EDARADD: variants seen among roughly 807,000 people sequenced by gnomAD.
The protein encoded by EDARADD is EDAR associated via death domain.
Under a neutral mutation model 25.6 loss-of-function variants are expected in EDARADD, and 20 were observed. The ratio of observed to expected loss-of-function variants is 0.78; its 90% CI spans 0.55 to 1.14. EDARADD has a LOEUF of 1.14. Among genes scored for constraint, EDARADD ranks in the 50% most tolerant of loss-of-function variants. The pLI, the probability that EDARADD is intolerant of heterozygous loss-of-function variation, is 0.00. For missense variants in EDARADD, 225 were observed against 270.1 expected (o/e 0.83, Z 1.17); for synonymous variants, 86 against 94.4 (o/e 0.91, Z 0.52).
chr1:236,358,230 C>T (rs1015457216), intron 3 of EDARADD, among the ~76,000 whole-genome samples: 77 of 152,292 alleles, frequency 5.1e-4, no homozygotes, highest in East Asian at 1.2e-3. Context: ...CTGATTTATT[C>T]AGCCCTTTCT....
intron 3 of EDARADD, among the ~76,000 whole-genome samples, chr1:236,382,582 T>C (rs1667313592): frequency 6.6e-6 from 1 of 152,192 alleles, no homozygotes; most frequent in Non-Finnish European, 1.5e-5. Context: ...TGTATTCCTA[T>C]ACCTCCTCTT....
upstream of EDARADD, among the ~76,000 whole-genome samples, chr1:236,391,702 G>A (rs1473958426): frequency 6.6e-6 from 1 of 152,132 alleles, no homozygotes; most frequent in East Asian, 1.9e-4. Flanking sequence ...TACCTCAAAT[G>A]GCATAAAATA....
intron 4 of EDARADD, 138 bp from the exon 5 acceptor site, chr1:236,468,093 T>G: frequency 1.3e-6 from 1 of 790,242 alleles, no homozygotes; most frequent in Non-Finnish European, 2.3e-6. Context: ...CCCATTAAAA[T>G]GCCATTCTCA....
rs537869981 is a variant in EDARADD, at chr1:236,351,903, G to A, written c.-6+1064G>A. Among the ~76,000 whole-genome samples, 4 of 152,152 alleles carry A rather than the reference G, an allele frequency of 2.6e-5. No homozygotes were observed. In the South Asian group the frequency reaches 8.3e-4, roughly 32 times the overall value. ...ATATTCATGAGAATTCCTGGAAAAA[G>A]GTGGAGGTTTCTCGGAACTGTGGTG... On this transcript the variant is annotated intron_variant, in intron 3 of 7. Coordinates refer to the EDARADD transcript ENST00000439430.
At chr1:236,435,539 G>A (rs1397131837) in intron 4 of EDARADD, among the ~76,000 whole-genome samples, 1 of 152,216 alleles carries the variant, frequency 6.6e-6, no homozygotes, top group African/African-American at 2.4e-5. Flanking sequence ...ACCCTCAGGA[G>A]GCACAGCGTG....
At chr1:236,390,557 A>T (rs1276771759), upstream of EDARADD, among the ~76,000 whole-genome samples, 1 of 152,224 alleles carries the variant, frequency 6.6e-6, no homozygotes, top group Non-Finnish European at 1.5e-5. Context: ...CGTCTCAGAA[A>T]AAAAAAGAAC....
In EDARADD at chr1:236,483,477, A is replaced by G; in HGVS notation, c.*828A>G. The G allele has an allele frequency of 1.9e-6, 2 of 1,030,250 alleles. 1 individual carries two copies. The highest frequency in any genetic ancestry group is 3.1e-6 in the Non-Finnish European group (2 of 650,276). The allele number at this position is 1,030,250 out of a possible 1,614,324, so 63.8% of individuals were successfully genotyped here. A position where few individuals can be genotyped will look rare whatever the true frequency, so the allele number is the denominator to read the frequency against. On this transcript the variant is annotated 3_prime_UTR_variant, in exon 6 of 6. Transcript: ENST00000334232. ...GATGGATGGAACAGAAAATAAATCT[A>G]AATTTGGTGCAAATGCCATTCTGGG...
Position 236,394,340 on chromosome 1 carries a change from TAGA to T in EDARADD, c.-102_-100del, listed in dbSNP as rs2103000097. 2 of 1,258,806 alleles carry T rather than the reference TAGA, an allele frequency of 1.6e-6. No individual in the cohort carries two copies. Among genetic ancestry groups the T allele is most frequent in the South Asian group, 2.4e-5 (2 of 82,654 alleles). 78.0% of individuals were successfully genotyped at this position (1,258,806 alleles called of 1,614,324 possible). A position where few individuals can be genotyped will look rare whatever the true frequency, so the allele number is the denominator to read the frequency against. ...ACAAATTCCCCAGAGAGCTTTCATC[TAGA>T]AGGTTTGACTCTGGCCAGACAACCA... On this transcript the variant is annotated 5_prime_UTR_variant, in exon 1 of 6. Transcript: ENST00000334232.
At chr1:236,427,851 C>T (rs538377105) in intron 4 of EDARADD, among the ~76,000 whole-genome samples, 1 of 152,032 alleles carries the variant, frequency 6.6e-6, no homozygotes, top group South Asian at 2.1e-4. Context: ...TATCAGAAGT[C>T]AAACTTTAAC....
intron 5 of EDARADD, among the ~76,000 whole-genome samples, chr1:236,478,984 A>G (rs992907858): frequency 3.3e-5 from 5 of 152,168 alleles, no homozygotes; most frequent in African/African-American, 1.2e-4. Flanking sequence ...GCAAAGGCAT[A>G]AGAATGATAC....
At chr1:236,458,801 G>A (rs894726182) in intron 4 of EDARADD, among the ~76,000 whole-genome samples, 4 of 151,748 alleles carry the variant, frequency 2.6e-5, no homozygotes, top group African/African-American at 9.7e-5. Flanking sequence ...CTGCCATTAC[G>A]CCCAGCTACT....
At chr1:236,432,956 A>G (rs79626842) in intron 4 of EDARADD, among the ~76,000 whole-genome samples, 4,473 of 151,894 alleles carry the variant, frequency 0.029, 223 homozygotes, top group African/African-American at 0.1. Context: ...AAAGAAAGAA[A>G]GAAACTACAA....
chr1:236,432,945 G>A (rs75846635), intron 4 of EDARADD, among the ~76,000 whole-genome samples: 1 of 150,632 alleles, frequency 6.6e-6, no homozygotes, highest in African/African-American at 2.5e-5. Flanking sequence ...AAAAAAGAAA[G>A]AAAGAAAGAA....
rs966365 is a variant in EDARADD, at chr1:236,394,471, G to A, written c.27G>A (p.Met9Ile). The A allele has an allele frequency of 0.84, 1,350,401 of 1,613,834 alleles. 569,226 individuals carry two copies. The highest frequency in any genetic ancestry group is 0.94 in the East Asian group (42,249 of 44,876). The change falls in exon 1 of 6, where the codon ATG becomes ATA. Residue 9 changes from methionine (M) to isoleucine (I), a missense_variant. Coordinates refer to ENST00000334232, the MANE Select transcript of EDARADD (RefSeq NM_145861.4). MGLRTTKQ[M>I]GRGTKAPGHQ... is the part of the protein sequence containing the mutation. The stretch of plus-strand genomic sequence containing the variant: ...TGGGCCTCAGGACGACTAAACAGAT[G>A]GGGAGAGGCACTAAAGCTCCTGGTC...
intron 3 of EDARADD, among the ~76,000 whole-genome samples, chr1:236,385,408 C>CA (rs1164948283): frequency 0.014 from 507 of 35,366 alleles, 11 homozygotes; most frequent in African/African-American, 0.035. Flanking sequence ...GACTCCATCT[C>CA]AAAAAAAAAA....
intron 4 of EDARADD, among the ~76,000 whole-genome samples, chr1:236,462,655 T>A (rs1160235624): frequency 6.6e-6 from 1 of 152,124 alleles, no homozygotes; most frequent in Non-Finnish European, 1.5e-5. Flanking sequence ...AGCTTTCAGC[T>A]CCCTGAGCAG....
In EDARADD at chr1:236,396,768, T is replaced by C. The variant is rs1667522638; in HGVS notation, c.61+2263T>C. On this transcript the variant is annotated intron_variant, in intron 1 of 5. Transcript: ENST00000334232. ...GCGGAAAATAAATACATTGTCTAGA[T>C]ATTCTTCCCCATCCCCATACCTATT... Among the ~76,000 whole-genome samples, 3 of 151,888 alleles carry C rather than the reference T, an allele frequency of 2.0e-5. No homozygotes were observed. In the South Asian group the frequency reaches 6.2e-4, roughly 32 times the overall value.
chr1:236,428,747 A>C (rs1416355984), intron 4 of EDARADD, among the ~76,000 whole-genome samples: 8 of 149,814 alleles, frequency 5.3e-5, no homozygotes, highest in African/African-American at 1.7e-4. Flanking sequence ...GGCCGGGCAG[A>C]GGCTGCAATC....
In EDARADD at chr1:236,457,112, T is replaced by A. The variant is rs534522101; in HGVS notation, c.220-11119T>A. 4.0e-3 allele frequency among the ~76,000 whole-genome samples: 610 copies of A among 152,304 alleles called. 4 individuals carry two copies. Among genetic ancestry groups the A allele is most frequent in the Admixed American group, 8.6e-3 (132 of 15,296 alleles). Reference sequence around the variant, plus strand: ...GAAGTCTCCCAAAAATGATATTTTTTAAAAAAAGAAAAGCCATAGTACTCT... The same window carrying A: ...GAAGTCTCCCAAAAATGATATTTTTAAAAAAAAGAAAAGCCATAGTACTCT... On this transcript the variant is annotated intron_variant, in intron 4 of 5. Transcript: ENST00000334232.
Sources: allele counts gnomAD v4.1 joint callset (sites outside exome capture counted in the v4.1 genomes callset), GRCh38; gene constraint gnomAD v4.1.1; transcripts MANE v1.5; gene names NCBI Gene and HGNC (gene_info 2026-07-23, HGNC 2026-07-21).